Variants in STEAP1B observed in about 807,000 individuals in gnomAD.
The protein encoded by STEAP1B is STEAP family member 1B.
STEAP1B carries 13 observed loss-of-function variants against 27.9 expected under a neutral mutation model. The observed-to-expected ratio is 0.47, with a 90% confidence interval of 0.30 to 0.74. The LOEUF (loss-of-function observed/expected upper bound fraction) is 0.74, where lower values mean the gene tolerates loss of function less well. Among genes scored for constraint, STEAP1B ranks in the 30% least tolerant of loss-of-function variants. The pLI, the probability that STEAP1B is intolerant of heterozygous loss-of-function variation, is 0.06. For synonymous variants in STEAP1B, 86 were observed against 107.1 expected (o/e 0.80, Z 1.22); for missense variants, 250 against 298.7 (o/e 0.84, Z 1.20).
At chr7:22,467,981 C>A (rs1487866459) in intron 4 of STEAP1B, among the ~76,000 whole-genome samples, 1 of 152,020 alleles carries the variant, frequency 6.6e-6, no homozygotes, top group African/African-American at 2.4e-5. Context: ...GAATGGGACC[C>A]CTAAAATATC....
At chr7:22,429,339 GA>G (rs1369990230) in intron 4 of STEAP1B, among the ~76,000 whole-genome samples, 1 of 152,142 alleles carries the variant, frequency 6.6e-6, no homozygotes, top group African/African-American at 2.4e-5. Context: ...ACATTTCACT[GA>G]AAAATGAATA....
At chr7:22,433,000 C>G (rs139629426) in intron 4 of STEAP1B, among the ~76,000 whole-genome samples, 1 of 152,180 alleles carries the variant, frequency 6.6e-6, no homozygotes, top group African/African-American at 2.4e-5. Flanking sequence ...CTCTGCCGTT[C>G]CTGCCAGCAA....
At chr7:22,432,304 T>A (rs1785197639) in intron 4 of STEAP1B, among the ~76,000 whole-genome samples, 1 of 151,864 alleles carries the variant, frequency 6.6e-6, no homozygotes, top group Admixed American at 6.6e-5. Flanking sequence ...TTTGGGAGGC[T>A]GAGGTGGGAA....
At chr7:22,495,908 A>C (rs1349593714) in intron 1 of STEAP1B, among the ~76,000 whole-genome samples, 1 of 152,218 alleles carries the variant, frequency 6.6e-6, no homozygotes, top group African/African-American at 2.4e-5. Flanking sequence ...TAATATTTAC[A>C]ATACTATACT....
intron 1 of STEAP1B, among the ~76,000 whole-genome samples, chr7:22,499,861 C>T (rs960373603): frequency 2.6e-5 from 4 of 152,258 alleles, no homozygotes; most frequent in Non-Finnish European, 5.9e-5. Flanking sequence ...GAAAAGGCTT[C>T]CTCTGAGTCC....
intron 4 of STEAP1B, among the ~76,000 whole-genome samples, chr7:22,485,511 T>C (rs1192176867): frequency 1.3e-5 from 2 of 152,206 alleles, no homozygotes; most frequent in Non-Finnish European, 2.9e-5. Context: ...TTTTTAGAGA[T>C]AGGTTCTCAC....
chr7:22,421,202 C>T (rs1785038711), intron 4 of STEAP1B, among the ~76,000 whole-genome samples: 1 of 152,116 alleles, frequency 6.6e-6, no homozygotes, highest in Admixed American at 6.5e-5. Context: ...ACAAGGATGA[C>T]AGTAATATGA....
At chr7:22,439,101 A>T (rs908067450) in intron 4 of STEAP1B, among the ~76,000 whole-genome samples, 10 of 152,148 alleles carry the variant, frequency 6.6e-5, no homozygotes, top group Non-Finnish European at 1.3e-4. Context: ...ACCACGTGAA[A>T]ACCAGACCCT....
intron 1 of STEAP1B, among the ~76,000 whole-genome samples, chr7:22,496,611 T>C (rs962018472): frequency 4.6e-5 from 7 of 152,208 alleles, no homozygotes; most frequent in African/African-American, 1.7e-4. Flanking sequence ...ACACAAATAC[T>C]TACTATTGTG....
rs563983759 is a variant in STEAP1B, at chr7:22,482,226, T to C, written c.762+10339A>G. Among the ~76,000 whole-genome samples the C allele has an allele frequency of 2.0e-5, 3 of 152,282 alleles. No individual in the cohort carries two copies. The East Asian group carries it at 5.8e-4, about 29-fold the overall frequency. On this transcript the variant is annotated intron_variant, in intron 4 of 4. Transcript: ENST00000678116. ...CTGAAAGGGTTCCCAGAAGCAGAGCTTGAGACTGGGCTTCGTGTTCCAATG... is the reference window on the plus strand; with the variant it reads ...CTGAAAGGGTTCCCAGAAGCAGAGCCTGAGACTGGGCTTCGTGTTCCAATG...
chr7:22,421,669 T>C (rs1268718827), intron 4 of STEAP1B, among the ~76,000 whole-genome samples: 1 of 152,246 alleles, frequency 6.6e-6, no homozygotes, highest in African/African-American at 2.4e-5. Context: ...TGAATACAGA[T>C]ATAATGAGGG....
Position 22,464,563 on chromosome 7 carries a change from C to T in STEAP1B, c.762+28002G>A, listed in dbSNP as rs535056268. Among the ~76,000 whole-genome samples, 78 of 151,960 alleles carry T rather than the reference C, an allele frequency of 5.1e-4. 1 individual carries two copies. Among genetic ancestry groups the T allele is most frequent in the Admixed American group, 1.9e-3 (29 of 15,248 alleles). ...AAAGTGACCATATTTGGAGACAGTG[C>T]CTTTAAGAGGTGATTAAGTTAAATT... On this transcript the variant is annotated intron_variant, in intron 4 of 4. Coordinates refer to ENST00000678116, the MANE Select transcript of STEAP1B (RefSeq NM_001382447.1).
chr7:22,454,023 T>C (rs1274345083), intron 4 of STEAP1B, among the ~76,000 whole-genome samples: 1 of 152,258 alleles, frequency 6.6e-6, no homozygotes, highest in African/African-American at 2.4e-5. Context: ...TGTCTTTTGG[T>C]GGACACATAC....
intron 4 of STEAP1B, among the ~76,000 whole-genome samples, chr7:22,464,614 CAATCT>C (rs1785739499): frequency 6.6e-6 from 1 of 151,924 alleles, no homozygotes; most frequent in African/African-American, 2.4e-5. Context: ...AGCCCTAATC[CAATCT>C]GATTGGTGTC....
intron 4 of STEAP1B, among the ~76,000 whole-genome samples, chr7:22,459,965 G>A (rs1020091099): frequency 3.9e-5 from 6 of 152,100 alleles, no homozygotes; most frequent in East Asian, 1.9e-4. Flanking sequence ...CCTGTGGAAC[G>A]TGTAGCCGTT....
chr7:22,477,103 C>T (rs1785986427), intron 4 of STEAP1B, among the ~76,000 whole-genome samples: 1 of 152,198 alleles, frequency 6.6e-6, no homozygotes, highest in African/African-American at 2.4e-5. Context: ...ACAAGGGAAC[C>T]TAATGAGGGC....
At chr7:22,456,912 C>A (rs1343929941) in intron 4 of STEAP1B, among the ~76,000 whole-genome samples, 1 of 138,496 alleles carries the variant, frequency 7.2e-6, no homozygotes, top group African/African-American at 2.7e-5. Context: ...CCTGGCTGCA[C>A]CGCAGACCAC....
At chr7:22,491,254 A>G (rs1212052142) in intron 4 of STEAP1B, among the ~76,000 whole-genome samples, 1 of 152,240 alleles carries the variant, frequency 6.6e-6, no homozygotes, top group Non-Finnish European at 1.5e-5. Flanking sequence ...ATCTATATTC[A>G]TATCTATAAT....
In STEAP1B at chr7:22,443,137, C is replaced by A. The variant is rs144505061; in HGVS notation, c.763-23301G>T. ...CTAATCCTGCTTCCTCCTCATCTTT[C>A]GCAGGTGTTTACCACAATAAATCTC... On this transcript the variant is annotated intron_variant, in intron 4 of 4. Transcript: ENST00000678116. Among the ~76,000 whole-genome samples, 868 of 152,298 alleles carry A rather than the reference C, an allele frequency of 5.7e-3. 12 individuals are homozygous for A. The highest frequency in any genetic ancestry group is 7.2e-3 in the Non-Finnish European group (491 of 68,028).
Sources: gnomAD v4.1 joint callset for allele counts (sites outside exome capture counted in the v4.1 genomes callset) on GRCh38, gnomAD v4.1.1 for gene constraint, MANE v1.5 for transcripts, NCBI Gene and HGNC (gene_info 2026-07-23, HGNC 2026-07-21) for gene names.